The following GRK5 variants were observed in gnomAD, a reference collection of about 807,000 sequenced individuals.
GRK5 encodes G protein-coupled receptor kinase 5, also known as g protein-coupled receptor kinase GRK5.
Under a neutral mutation model 78.4 loss-of-function variants are expected in GRK5, and 40 were observed. The ratio of observed to expected loss-of-function variants is 0.51; its 90% confidence interval spans 0.40 to 0.66. GRK5 has a LOEUF of 0.66. Among genes scored for constraint, GRK5 ranks in the 30% least tolerant of loss-of-function variants. GRK5 has a pLI of 0.00. For synonymous variants in GRK5, 289 were observed against 296.8 expected (o/e 0.97, Z 0.27); for missense variants, 598 against 759.9 (o/e 0.79, Z 2.50).
chr10:119,247,457 A>G (rs1471547071), intron 1 of GRK5, among the ~76,000 whole-genome samples: 1 of 152,238 alleles, frequency 6.6e-6, no homozygotes, highest in Non-Finnish European at 1.5e-5. Context: ...CAGGAAAGCT[A>G]TGCCTGGACT....
intron 13 of GRK5, among the ~76,000 whole-genome samples, chr10:119,450,503 G>A (rs926814369): frequency 2.0e-5 from 3 of 152,190 alleles, no homozygotes; most frequent in African/African-American, 2.4e-5. Context: ...GGAGAGTAGC[G>A]GGGCCTCCGT....
chr10:119,236,404 TG>T (rs1483417866), intron 1 of GRK5, among the ~76,000 whole-genome samples: 1 of 151,886 alleles, frequency 6.6e-6, no homozygotes, highest in Non-Finnish European at 1.5e-5. Flanking sequence ...TTAGTAGAGA[TG>T]GGGTTTCACT....
rs1296558338 is a variant in GRK5, at chr10:119,458,965, ACACT to A, written c.*3901_*3904del. On this transcript the variant is annotated 3_prime_UTR_variant, in exon 16 of 16. Transcript: ENST00000392870. ...GAGAAGAAGAGGAAACACCTGAGTGACACTCAGCTGTCCTCTGGGGTCCCCTGGT... is the reference window on the plus strand; with the variant it reads ...GAGAAGAAGAGGAAACACCTGAGTGACAGCTGTCCTCTGGGGTCCCCTGGT... The A allele has an allele frequency of 6.6e-6, 1 of 152,180 alleles. No homozygotes were observed. Among genetic ancestry groups the A allele is most frequent in the African/African-American group, 2.4e-5 (1 of 41,436 alleles). The allele number at this position is 152,180 out of a possible 1,614,324, so 9.4% of individuals were successfully genotyped here.
At chr10:119,215,663 C>T (rs1442296383) in intron 1 of GRK5, among the ~76,000 whole-genome samples, 1 of 152,052 alleles carries the variant, frequency 6.6e-6, no homozygotes, top group South Asian at 2.1e-4. Flanking sequence ...GCTACCATAT[C>T]CTCCCCCACC....
At chr10:119,409,677 C>T (rs901114168) in intron 4 of GRK5, among the ~76,000 whole-genome samples, 2 of 151,902 alleles carry the variant, frequency 1.3e-5, no homozygotes, top group African/African-American at 4.8e-5. Flanking sequence ...GGCAGGTTCT[C>T]TTGAATTTCC....
intron 4 of GRK5, among the ~76,000 whole-genome samples, chr10:119,414,911 G>A (rs894828596): frequency 5.9e-5 from 9 of 151,752 alleles, no homozygotes; most frequent in African/African-American, 1.2e-4. Flanking sequence ...GTGAAACACC[G>A]TCTCTACTAA....
intron 1 of GRK5, among the ~76,000 whole-genome samples, chr10:119,250,854 C>T (rs1849187849): frequency 6.6e-6 from 1 of 152,128 alleles, no homozygotes; most frequent in Non-Finnish European, 1.5e-5. Context: ...CTGTGCTGCC[C>T]AGTCACACTG....
intron 12 of GRK5, among the ~76,000 whole-genome samples, chr10:119,444,955 G>A (rs954725503): frequency 1.2e-4 from 18 of 152,220 alleles, no homozygotes; most frequent in Admixed American, 7.8e-4. Flanking sequence ...GGAGGGTCTG[G>A]CTCGGCTCCT....
At chr10:119,242,939 T>C (rs533061587) in intron 1 of GRK5, among the ~76,000 whole-genome samples, 11 of 152,208 alleles carry the variant, frequency 7.2e-5, no homozygotes, top group African/African-American at 2.6e-4. Context: ...CTTATAGCAA[T>C]GTGAAAACAG....
intron 2 of GRK5, among the ~76,000 whole-genome samples, chr10:119,338,569 T>C (rs1256358813): frequency 1.3e-5 from 2 of 152,186 alleles, no homozygotes; most frequent in Non-Finnish European, 2.9e-5. Flanking sequence ...CATTTTTCCA[T>C]TTGATGCATA....
At chr10:119,292,805 A>C (rs550831567) in intron 1 of GRK5, among the ~76,000 whole-genome samples, 2 of 152,350 alleles carry the variant, frequency 1.3e-5, no homozygotes, top group East Asian at 3.9e-4. Flanking sequence ...TGTTTAGGGA[A>C]TAATGGCAAC....
At chr10:119,225,483 C>T (rs1398137824) in intron 1 of GRK5, among the ~76,000 whole-genome samples, 1 of 152,178 alleles carries the variant, frequency 6.6e-6, no homozygotes, top group East Asian at 1.9e-4. Context: ...TTGTCACATA[C>T]GGGGGAAGAG....
rs575316210 is a variant in GRK5, at chr10:119,261,267, G to A, written c.52+53298G>A. Reference sequence around the variant, plus strand: ...CTCCTCACCTCCCAGACGGGGTGGCGGCCGGGCAGAGGCGCTCCTCACATC... The same window carrying A: ...CTCCTCACCTCCCAGACGGGGTGGCAGCCGGGCAGAGGCGCTCCTCACATC... On this transcript the variant is annotated intron_variant, in intron 1 of 15. Coordinates refer to ENST00000392870, the MANE Select transcript of GRK5 (RefSeq NM_005308.3). Among the ~76,000 whole-genome samples, 594 of 149,742 alleles carry A rather than the reference G, an allele frequency of 4.0e-3. 4 individuals carry two copies. The highest frequency in any genetic ancestry group is 0.014 in the African/African-American group (564 of 40,650).
chr10:119,361,853 C>T (rs746015367), intron 2 of GRK5, among the ~76,000 whole-genome samples: 40 of 150,266 alleles, frequency 2.7e-4, no homozygotes, highest in Non-Finnish European at 5.2e-4. Flanking sequence ...TACAGCTGCT[C>T]GGGAGGCTGA....
At chr10:119,399,872 G>A (rs1253069068) in intron 4 of GRK5, among the ~76,000 whole-genome samples, 2 of 152,154 alleles carry the variant, frequency 1.3e-5, no homozygotes, top group Non-Finnish European at 2.9e-5. Context: ...ACACTGGACT[G>A]TGGCCACACC....
chr10:119,434,531 T>G (rs995016110), intron 8 of GRK5, among the ~76,000 whole-genome samples: 2 of 152,226 alleles, frequency 1.3e-5, no homozygotes, highest in African/African-American at 4.8e-5. Flanking sequence ...GGCAGTCAAA[T>G]CTTAAAGCTC....
At position 119,458,983 on chromosome 10, in the gene GRK5, G is replaced by A. The variant is rs1161013989; in HGVS notation, c.*3916G>A. ...CTGAGTGACACTCAGCTGTCCTCTGGGGTCCCCTGGTGTGCATGCACGTCC... is the reference window on the plus strand; with the variant it reads ...CTGAGTGACACTCAGCTGTCCTCTGAGGTCCCCTGGTGTGCATGCACGTCC... On this transcript the variant is annotated 3_prime_UTR_variant, in exon 16 of 16. Coordinates refer to ENST00000392870, the MANE Select transcript of GRK5 (RefSeq NM_005308.3). 1.3e-5 allele frequency: 2 copies of A among 152,142 alleles called. No individual in the cohort carries two copies. The highest frequency in any genetic ancestry group is 4.8e-5 in the African/African-American group (2 of 41,426). The allele number at this position is 152,142 out of a possible 1,614,324, so 9.4% of individuals were successfully genotyped here. A position where few individuals can be genotyped will look rare whatever the true frequency, so the allele number is the denominator to read the frequency against.
At chr10:119,310,013 C>T (rs1163533721) in intron 1 of GRK5, among the ~76,000 whole-genome samples, 3 of 152,222 alleles carry the variant, frequency 2.0e-5, no homozygotes, top group Admixed American at 6.5e-5. Flanking sequence ...CAGCCTGGTT[C>T]GTCCTAGTGT....
Position 119,449,031 on chromosome 10 carries a change from G to T in GRK5, c.1404+771G>T, listed in dbSNP as rs985529866. Among the ~76,000 whole-genome samples the T allele has an allele frequency of 6.6e-5, 10 of 151,512 alleles. No individual in the cohort carries two copies. In the East Asian group the frequency reaches 1.2e-3, roughly 18 times the overall value. Reference sequence around the variant, plus strand: ...GCTTCGGCTCCTGCCACGCTCCCGCGGATGACCCCTTGCTGGCAGGGGGAC... The same window carrying T: ...GCTTCGGCTCCTGCCACGCTCCCGCTGATGACCCCTTGCTGGCAGGGGGAC... On this transcript the variant is annotated intron_variant, in intron 13 of 15. Transcript: ENST00000392870.
Sources: gnomAD v4.1 joint callset for allele counts (sites outside exome capture counted in the v4.1 genomes callset) on GRCh38, gnomAD v4.1.1 for gene constraint, MANE v1.5 for transcripts, NCBI Gene and HGNC (gene_info 2026-07-23, HGNC 2026-07-21) for gene names.